The following CRYL1 variants were observed in gnomAD, a reference collection of about 807,000 sequenced individuals.
CRYL1 encodes crystallin lambda 1, also known as lambda-crystallin homolog.
A neutral mutation model predicts 36.6 loss-of-function variants in CRYL1; 29 were observed. That is an observed-to-expected ratio of 0.79 (90% CI 0.59 to 1.08). The LOEUF (loss-of-function observed/expected upper bound fraction) is 1.08. Among genes scored for constraint, CRYL1 ranks in the 50% least tolerant of loss-of-function variants. CRYL1 has a pLI of 0.00. For synonymous variants in CRYL1, 152 were observed against 151.5 expected (o/e 1.00, Z -0.02); for missense variants, 411 against 407.9 (o/e 1.01, Z -0.06).
chr13:20,469,439 A>G (rs977115970), intron 3 of CRYL1, among the ~76,000 whole-genome samples: 2 of 152,178 alleles, frequency 1.3e-5, no homozygotes, highest in African/African-American at 4.8e-5. Flanking sequence ...GGGTCAGCAT[A>G]TACTTTATCA....
intron 6 of CRYL1, among the ~76,000 whole-genome samples, chr13:20,405,135 G>A (rs114856462): frequency 0.018 from 2,739 of 152,276 alleles, 52 homozygotes; most frequent in African/African-American, 0.049. Context: ...GTCAGGTGGC[G>A]TGGCAGGTGC....
chr13:20,457,065 G>T (rs1176339668), intron 3 of CRYL1, among the ~76,000 whole-genome samples: 1 of 152,076 alleles, frequency 6.6e-6, no homozygotes, highest in Non-Finnish European at 1.5e-5. Flanking sequence ...TCCAGTCCCA[G>T]CTTGAGAGTC....
chr13:20,438,026 A>G (rs1242748301), intron 4 of CRYL1, among the ~76,000 whole-genome samples: 3 of 152,168 alleles, frequency 2.0e-5, no homozygotes, highest in South Asian at 2.1e-4. Context: ...CTTGCTTTCA[A>G]TTAGGGTCCC....
chr13:20,520,747 G>A (rs1345458638), intron 1 of CRYL1, among the ~76,000 whole-genome samples: 1 of 152,108 alleles, frequency 6.6e-6, no homozygotes, highest in Non-Finnish European at 1.5e-5. Flanking sequence ...ACTGGCTTAG[G>A]AGCACCCTAT....
chr13:20,414,214 C>T (rs866530977), intron 5 of CRYL1, among the ~76,000 whole-genome samples: 1,970 of 151,242 alleles, frequency 0.013, 40 homozygotes, highest in African/African-American at 0.045. Context: ...AATACACACA[C>T]ACACACACAC....
Position 20,439,592 on chromosome 13 carries a change from C to T in CRYL1, c.438+1G>A. Reference sequence around the variant, plus strand: ...CAATCCTCTGGATTTAAAATACTCACAGGATGAGCCACGATGCATTGCTTC... The same window carrying T: ...CAATCCTCTGGATTTAAAATACTCATAGGATGAGCCACGATGCATTGCTTC... On this transcript the variant is annotated splice_donor_variant, in intron 4 of 7. Coordinates refer to ENST00000298248, the MANE Select transcript of CRYL1 (RefSeq NM_015974.3). LOFTEE classifies it high-confidence loss of function. 2.0e-6 allele frequency: 3 copies of T among 1,475,230 alleles called. No homozygotes were observed. Among genetic ancestry groups the T allele is most frequent in the Non-Finnish European group, 2.7e-6 (3 of 1,096,320 alleles). The allele number at this position is 1,475,230 out of a possible 1,614,324, so 91.4% of individuals were successfully genotyped here. A position where few individuals can be genotyped will look rare whatever the true frequency, so the allele number is the denominator to read the frequency against.
chr13:20,491,387 C>T (rs747974004), intron 2 of CRYL1, among the ~76,000 whole-genome samples: 1 of 152,212 alleles, frequency 6.6e-6, no homozygotes, highest in Non-Finnish European at 1.5e-5. Flanking sequence ...CAGATCTCAT[C>T]ACCCACAAAA....
At chr13:20,468,265 C>T (rs7330186) in intron 3 of CRYL1, among the ~76,000 whole-genome samples, 124,873 of 151,768 alleles carry the variant, frequency 0.82, 51,505 homozygotes, top group Admixed American at 0.87. Flanking sequence ...TCTTCTCCAA[C>T]TCAGCTATCT....
chr13:20,420,984 T>C (rs577229035), intron 5 of CRYL1, among the ~76,000 whole-genome samples: 43 of 152,036 alleles, frequency 2.8e-4, no homozygotes, highest in African/African-American at 9.2e-4. Context: ...CCGTCCGCCT[T>C]GGCCTCCCAA....
At chr13:20,439,359 CT>C (rs1399650041) in intron 4 of CRYL1, among the ~76,000 whole-genome samples, 2 of 151,826 alleles carry the variant, frequency 1.3e-5, no homozygotes, top group Non-Finnish European at 1.5e-5. Flanking sequence ...GGATAAAATT[CT>C]TTTTTAAAAT....
chr13:20,429,789 T>C (rs950251097), intron 5 of CRYL1, among the ~76,000 whole-genome samples: 1 of 152,144 alleles, frequency 6.6e-6, no homozygotes, highest in Non-Finnish European at 1.5e-5. Flanking sequence ...CAGGCTCCCC[T>C]AGCGCCCTGA....
intron 4 of CRYL1, 69 bp downstream of exon 4, chr13:20,439,514 CAAAAAAAAAA>C (rs56087130): frequency 3.0e-5 from 10 of 331,816 alleles, no homozygotes; most frequent in Non-Finnish European, 4.1e-5. Context: ...CCCTCCCCCG[CAAAAAAAAAA>C]AAAAAAGAAA....
At chr13:20,475,085 G>A (rs997989401) in intron 3 of CRYL1, among the ~76,000 whole-genome samples, 2 of 152,160 alleles carry the variant, frequency 1.3e-5, no homozygotes, top group African/African-American at 4.8e-5. Flanking sequence ...CCAGAGTGGC[G>A]AGTCAGAAGT....
intron 4 of CRYL1, chr13:20,433,767 A>G (rs2032132844): frequency 6.5e-6 from 1 of 154,406 alleles, no homozygotes; most frequent in Non-Finnish European, 1.5e-5. Context: ...TGTAAGCCTC[A>G]CTGGTAGCAA....
intron 1 of CRYL1, among the ~76,000 whole-genome samples, chr13:20,521,326 G>A (rs911471288): frequency 6.6e-6 from 1 of 152,138 alleles, no homozygotes; most frequent in East Asian, 1.9e-4. Flanking sequence ...AGTACAAGGA[G>A]AGGGAATCTA....
At chr13:20,459,390 C>A (rs1235263844) in intron 3 of CRYL1, among the ~76,000 whole-genome samples, 2 of 152,136 alleles carry the variant, frequency 1.3e-5, no homozygotes, top group African/African-American at 4.8e-5. Context: ...TATAAAGACA[C>A]ATGCACAGGT....
At chr13:20,436,937 G>A (rs1305049996) in intron 4 of CRYL1, among the ~76,000 whole-genome samples, 1 of 152,152 alleles carries the variant, frequency 6.6e-6, no homozygotes, top group Non-Finnish European at 1.5e-5. Context: ...GTTCCTCAGA[G>A]ATTACAAATG....
chr13:20,494,409 T>C (rs2033568634), intron 2 of CRYL1, among the ~76,000 whole-genome samples: 1 of 152,220 alleles, frequency 6.6e-6, no homozygotes, highest in Non-Finnish European at 1.5e-5. Flanking sequence ...CCAATCCTCT[T>C]TGTCACTTTT....
In CRYL1 at chr13:20,433,678, T is replaced by G. The variant is rs1400260966; in HGVS notation, c.439-1382A>C. On this transcript the variant is annotated intron_variant, in intron 4 of 7. Coordinates refer to ENST00000298248, the MANE Select transcript of CRYL1 (RefSeq NM_015974.3). ...TTTGAAAAATGAAGATTAGAAGAAC[T>G]GGAAGTGTGTCTTTCTCAGATGAAT... The G allele has an allele frequency of 1.9e-5, 3 of 154,392 alleles. No individual in the cohort carries two copies. In the South Asian group the frequency reaches 6.1e-4, roughly 31 times the overall value. The allele number at this position is 154,392 out of a possible 1,614,324, so 9.6% of individuals were successfully genotyped here. A position where few individuals can be genotyped will look rare whatever the true frequency, so the allele number is the denominator to read the frequency against.
Sources: gnomAD v4.1 joint callset for allele counts (sites outside exome capture counted in the v4.1 genomes callset) on GRCh38, gnomAD v4.1.1 for gene constraint, MANE v1.5 for transcripts, NCBI Gene and HGNC (gene_info 2026-07-23, HGNC 2026-07-21) for gene names.